The following AGO3 variants were observed in gnomAD, a reference collection of about 807,000 sequenced individuals.
AGO3 encodes protein argonaute-3.
In AGO3, 16 loss-of-function variants were observed where a neutral mutation model predicts 105.5. That is an observed-to-expected ratio of 0.15 (90% confidence interval 0.10 to 0.23). The LOEUF (loss-of-function observed/expected upper bound fraction) is 0.23, where lower values mean the gene tolerates loss of function less well. AGO3 is among the 10% of genes least tolerant of loss of function. The pLI is 1.00. For synonymous variants in AGO3, 340 were observed against 367.3 expected, an observed-to-expected ratio of 0.93 and a Z score of 0.85; for missense variants, 534 against 1,088.0, an observed-to-expected ratio of 0.49 and a Z score of 7.16.
At chr1:35,977,224 T>C (rs1160292899) in intron 5 of AGO3, among the ~76,000 whole-genome samples, 7 of 148,418 alleles carry the variant, frequency 4.7e-5, no homozygotes, top group South Asian at 2.2e-4. Flanking sequence ...CCCATAGATA[T>C]ATACATCTAG....
At chr1:35,954,732 A>G (rs548742816) in intron 2 of AGO3, among the ~76,000 whole-genome samples, 2 of 152,360 alleles carry the variant, frequency 1.3e-5, no homozygotes, top group East Asian at 3.9e-4. Context: ...TGGAGTGACA[A>G]ATTCTGTGAT....
At position 36,057,394 on chromosome 1, in the gene AGO3, A is replaced by G. The variant is rs1336341025; in HGVS notation, c.*1649A>G. 6.6e-6 allele frequency: 1 copy of G among 152,032 alleles called. No homozygotes were observed. Among genetic ancestry groups the G allele is most frequent in the East Asian group, 1.9e-4 (1 of 5,196 alleles). The allele number at this position is 152,032 out of a possible 1,614,324, so 9.4% of individuals were successfully genotyped here. A position where few individuals can be genotyped will look rare whatever the true frequency, so the allele number is the denominator to read the frequency against. ...AACACATATGTATGTGTTTGGAAGT[A>G]TAGCTTCCTTTTCTTTTATATTTAT... On this transcript the variant is annotated 3_prime_UTR_variant, in exon 19 of 19. Coordinates refer to ENST00000373191, the MANE Select transcript of AGO3 (RefSeq NM_024852.4).
chr1:36,041,235 CT>C lies in AGO3; in HGVS notation c.2172+818del, dbSNP rs958423621. On this transcript the variant is annotated intron_variant, in intron 16 of 18. Coordinates refer to ENST00000373191, the MANE Select transcript of AGO3 (RefSeq NM_024852.4). ...ATAAATACCTAAGGAAATATGTTTTCTTTTTTTTTTTTTTTTTTTTTTTTGA... is the reference window on the plus strand; with the variant it reads ...ATAAATACCTAAGGAAATATGTTTTCTTTTTTTTTTTTTTTTTTTTTTTGA... 5.8e-3 allele frequency among the ~76,000 whole-genome samples: 501 copies of C among 86,418 alleles called. 2 individuals carry two copies. The highest frequency in any genetic ancestry group is 0.019 in the African/African-American group (381 of 20,386). The allele number at this position is 86,418 out of a possible 152,430, so 56.7% of individuals were successfully genotyped here.
At chr1:36,045,416 T>A (rs377392365) in intron 17 of AGO3, among the ~76,000 whole-genome samples, 2 of 151,944 alleles carry the variant, frequency 1.3e-5, no homozygotes, top group African/African-American at 4.8e-5. Flanking sequence ...GAGATGGGAT[T>A]TCACCATGAT....
chr1:36,038,252 CT>C lies in AGO3; in HGVS notation c.1843-1518del, dbSNP rs781058020. Among the ~76,000 whole-genome samples the C allele has an allele frequency of 9.2e-3, 1,031 of 112,558 alleles. 7 individuals are homozygous for C. Among genetic ancestry groups the C allele is most frequent in the African/African-American group, 0.03 (870 of 28,568 alleles). The allele number at this position is 112,558 out of a possible 152,430, so 73.8% of individuals were successfully genotyped here. Reference sequence around the variant, plus strand: ...TTCCATCCGAGGGTCTGGATTTATTCTTTTTTTTTTTTTTTTTTTTGAGACA... The same window carrying C: ...TTCCATCCGAGGGTCTGGATTTATTCTTTTTTTTTTTTTTTTTTTGAGACA... On this transcript the variant is annotated intron_variant, in intron 14 of 18. Coordinates refer to ENST00000373191, the MANE Select transcript of AGO3 (RefSeq NM_024852.4).
intron 5 of AGO3, among the ~76,000 whole-genome samples, chr1:35,989,773 G>T (rs1269432790): frequency 1.3e-5 from 2 of 152,006 alleles, no homozygotes; most frequent in Non-Finnish European, 2.9e-5. Context: ...CACTCAGGAG[G>T]TTGAGGTGGG....
intron 2 of AGO3, among the ~76,000 whole-genome samples, chr1:35,955,473 T>G (rs78180307): frequency 6.6e-6 from 1 of 152,184 alleles, no homozygotes; most frequent in African/African-American, 2.4e-5. Flanking sequence ...TACATTTAAA[T>G]AACTTAAACT....
At chr1:35,945,953 A>G (rs1217768761) in intron 2 of AGO3, 90 bp downstream of exon 2, 17 of 1,352,476 alleles carry the variant, frequency 1.3e-5, no homozygotes, top group Middle Eastern at 2.6e-4. Context: ...AACAATTACA[A>G]TGTGTAACAG....
At chr1:36,038,708 A>G (rs1185506539) in intron 14 of AGO3, among the ~76,000 whole-genome samples, 1 of 152,194 alleles carries the variant, frequency 6.6e-6, no homozygotes, top group East Asian at 1.9e-4. Flanking sequence ...TTATAAGTTC[A>G]TGCTTTGAGG....
At chr1:36,004,618 T>C (rs1017607979) in intron 6 of AGO3, 143 bp downstream of exon 6, 1 of 771,416 alleles carries the variant, frequency 1.3e-6, no homozygotes, top group African/African-American at 1.8e-5. Context: ...AAATATTACA[T>C]TAAATTCATT....
intron 5 of AGO3, among the ~76,000 whole-genome samples, chr1:35,994,042 A>ATT (rs759085356): frequency 0.06 from 3,948 of 65,832 alleles, 805 homozygotes; most frequent in African/African-American, 0.15. Context: ...CTGCGCCCAG[A>ATT]TTTTTTTTTT....
chr1:35,953,324 G>A (rs1240893858), intron 2 of AGO3, among the ~76,000 whole-genome samples: 1 of 151,944 alleles, frequency 6.6e-6, no homozygotes, highest in Non-Finnish European at 1.5e-5. Context: ...CACTAGCAGT[G>A]TATGAAGATG....
chr1:36,013,693 G>A lies in AGO3; in HGVS notation c.1213G>A (p.Glu405Lys). 3 of 1,614,188 alleles carry A rather than the reference G, an allele frequency of 1.9e-6. No individual in the cohort carries two copies. Among genetic ancestry groups the A allele is most frequent in the Non-Finnish European group, 2.5e-6 (3 of 1,180,038 alleles). ...GGAGTTTCAATTTAAAGTTCGGGAT[G>A]AAATGGCTCATGTAACTGGACGCGT... ...VQEFQFKVRD[E>K]MAHVTGRVLP... Residue 405 changes from glutamate to lysine, a missense_variant, in exon 10 of 19, where the codon GAA (glutamate) becomes AAA (lysine). Coordinates refer to ENST00000373191, the MANE Select transcript of AGO3 (RefSeq NM_024852.4).
rs78645712 is a variant in AGO3, at chr1:35,932,019, T to C, written c.19+574T>C. Among the ~76,000 whole-genome samples, 32 of 152,338 alleles carry C rather than the reference T, an allele frequency of 2.1e-4. No homozygotes were observed. The East Asian group carries it at 6.0e-3, about 28-fold the overall frequency. ...TCATAGCAGCCTGGATCCCTGCTTA[T>C]ACGAGGAGGTGGTTCTTAAAATTGC... On this transcript the variant is annotated intron_variant, in intron 1 of 18. Coordinates refer to ENST00000373191, the MANE Select transcript of AGO3 (RefSeq NM_024852.4).
chr1:35,976,813 CAT>C (rs1646963889), intron 5 of AGO3, among the ~76,000 whole-genome samples: 1 of 152,132 alleles, frequency 6.6e-6, no homozygotes, highest in African/African-American at 2.4e-5. Flanking sequence ...ATGCAGAAGT[CAT>C]ATTAATCTGC....
chr1:35,941,957 T>A (rs1646264327), intron 1 of AGO3, among the ~76,000 whole-genome samples: 1 of 152,216 alleles, frequency 6.6e-6, no homozygotes, highest in South Asian at 2.1e-4. Context: ...ACAAGTTTCA[T>A]AAGAAAGAGG....
intron 5 of AGO3, among the ~76,000 whole-genome samples, chr1:35,999,022 T>A (rs1420284487): frequency 1.3e-5 from 2 of 152,196 alleles, no homozygotes; most frequent in Non-Finnish European, 2.9e-5. Context: ...AATAGGATTA[T>A]AACAAATCTT....
At chr1:36,054,043 C>A (rs571224737) in intron 17 of AGO3, among the ~76,000 whole-genome samples, 1 of 151,984 alleles carries the variant, frequency 6.6e-6, no homozygotes, top group African/African-American at 2.4e-5. Flanking sequence ...TCCTATGTTG[C>A]CTAGGCTAGT....
At chr1:36,015,022 T>G (rs1331127370) in intron 11 of AGO3, among the ~76,000 whole-genome samples, 2 of 152,004 alleles carry the variant, frequency 1.3e-5, no homozygotes, top group Non-Finnish European at 2.9e-5. Context: ...CAGCTGGGTG[T>G]CCTCCAATTC....
Sources: gnomAD v4.1 joint callset for allele counts (sites outside exome capture counted in the v4.1 genomes callset) on GRCh38, gnomAD v4.1.1 for gene constraint, MANE v1.5 for transcripts, NCBI Gene and HGNC (gene_info 2026-07-23, HGNC 2026-07-21) for gene names.